LPCAT1: variants seen among roughly 807,000 people sequenced by gnomAD.
The protein encoded by LPCAT1 is lysophosphatidylcholine acyltransferase 1.
Under a neutral mutation model 60.9 loss-of-function variants are expected in LPCAT1, and 23 were observed. The observed-to-expected ratio is 0.38, with a 90% CI of 0.27 to 0.53. LPCAT1 has a LOEUF of 0.53. Ranked by LOEUF, LPCAT1 falls within the 20% of genes least tolerant of loss-of-function variation. The pLI is 0.82. For synonymous variants in LPCAT1, 340 were observed against 301.1 expected, an observed-to-expected ratio of 1.13 and a Z score of -1.34; for missense variants, 622 against 723.6, an observed-to-expected ratio of 0.86 and a Z score of 1.61.
chr5:1,511,533 C>G (rs540106239), intron 1 of LPCAT1, among the ~76,000 whole-genome samples: 2 of 151,816 alleles, frequency 1.3e-5, no homozygotes, highest in African/African-American at 4.8e-5. Flanking sequence ...CACCTGCTCA[C>G]CTCGCTCACC....
chr5:1,504,444 T>C (rs1216639524), intron 1 of LPCAT1, among the ~76,000 whole-genome samples: 1 of 152,168 alleles, frequency 6.6e-6, no homozygotes, highest in African/African-American at 2.4e-5. Context: ...AGGCAGGGCG[T>C]GGTGGCTCAC....
At chr5:1,482,594 G>GGGGTA (rs1313688348) in intron 6 of LPCAT1, among the ~76,000 whole-genome samples, 5 of 47,524 alleles carry the variant, frequency 1.1e-4, no homozygotes, top group African/African-American at 4.1e-4. Context: ...AGGGTGGGGT[G>GGGGTA]GGGTAGGGTG....
At chr5:1,485,461 G>A (rs1735335369) in intron 5 of LPCAT1, among the ~76,000 whole-genome samples, 1 of 152,200 alleles carries the variant, frequency 6.6e-6, no homozygotes, top group Non-Finnish European at 1.5e-5. Context: ...AAGGCAGAGG[G>A]GAGGAGGTAC....
In LPCAT1 at chr5:1,474,609, G is replaced by A; in HGVS notation, c.976C>T (p.Pro326Ser). The change falls in exon 10 of 14, where the codon CCC becomes TCC. Residue 326 changes from proline to serine, a missense_variant. Physicochemically the swap from Pro to Ser is moderately conservative, Grantham distance 74 (BLOSUM62 -1). Around this residue, in one of 3 missense-constraint regions of LPCAT1, gnomAD observed 288 missense variants for 283.6 expected, o/e 1.02. Coordinates refer to ENST00000283415, the MANE Select transcript of LPCAT1 (RefSeq NM_024830.5). ...AATTCTAAAAGGCAAGTGTCAGCGG[G>A]GAGACGGAGCTGTCCTTCCGCCAGG... ...LALAEGQLRL[P>S]ADTCLLEFAR... 3.1e-6 allele frequency: 5 copies of A among 1,614,066 alleles called. No homozygotes were observed. Among genetic ancestry groups the A allele is most frequent in the Non-Finnish European group, 2.5e-6 (3 of 1,180,024 alleles).
chr5:1,464,953 TAACTAC>T (rs1560944155), intron 13 of LPCAT1, among the ~76,000 whole-genome samples: 1 of 143,530 alleles, frequency 7.0e-6, no homozygotes. Context: ...ACACACATGG[TAACTAC>T]ACACATGCAC....
rs1435157664 is a variant in LPCAT1 at position 1,477,441 on chromosome 5, C to T, written c.862G>A (p.Ala288Thr). Reference sequence around the variant, plus strand: ...CGCCGCACGTTGCTGGCATACAGCGCGGGGTTCCTCTTCTCCTCCTCAGAA... The same window carrying T: ...CGCCGCACGTTGCTGGCATACAGCGTGGGGTTCCTCTTCTCCTCCTCAGAA... ...SPSEEEKRNP[A>T]LYASNVRRVM... The change falls in exon 9 of 14, where the codon GCG becomes ACG. Residue 288 changes from alanine (A) to threonine (T), a missense_variant. Ala to Thr is a moderately conservative substitution (Grantham distance 58, BLOSUM62 0). Around this residue, in one of 3 missense-constraint regions of LPCAT1, gnomAD observed 209 missense variants for 325.5 expected, o/e 0.64. Transcript: ENST00000283415. This position sits in a 1 kb window ranked among gnomAD's most constrained non-coding sequence, Gnocchi z 6.0. 1.1e-5 allele frequency: 17 copies of T among 1,614,036 alleles called. No individual in the cohort carries two copies. The Middle Eastern group carries it at 5.0e-4, about 47-fold the overall frequency.
At chr5:1,506,150 G>A (rs554524858) in intron 1 of LPCAT1, among the ~76,000 whole-genome samples, 4 of 152,378 alleles carry the variant, frequency 2.6e-5, no homozygotes, top group Non-Finnish European at 5.9e-5. Context: ...GCCTCCAGCA[G>A]ATGGGGAGGG....
At chr5:1,465,421 G>GCA (rs66975451) in intron 13 of LPCAT1, among the ~76,000 whole-genome samples, 4 of 143,330 alleles carry the variant, frequency 2.8e-5, no homozygotes, top group East Asian at 2.1e-4. Flanking sequence ...CTACACACAT[G>GCA]CACACACACA....
chr5:1,492,443 C>CG (rs1735624261), intron 3 of LPCAT1, among the ~76,000 whole-genome samples: 1 of 152,188 alleles, frequency 6.6e-6, no homozygotes, highest in Non-Finnish European at 1.5e-5. Context: ...GTAGAGGAGT[C>CG]ATCAGCCACG....
intron 9 of LPCAT1, among the ~76,000 whole-genome samples, chr5:1,475,441 C>T (rs1192235625): frequency 6.6e-6 from 1 of 152,200 alleles, no homozygotes; most frequent in East Asian, 1.9e-4. Flanking sequence ...TGGGGCCATC[C>T]CCGGCCTCTC....
chr5:1,519,170 C>T (rs140972578), intron 1 of LPCAT1, among the ~76,000 whole-genome samples: 76 of 152,364 alleles, frequency 5.0e-4, no homozygotes, highest in African/African-American at 1.8e-3. Flanking sequence ...GTCACAATCA[C>T]GGGTTTCTGC....
At chr5:1,503,578 G>A (rs1426447387) in intron 1 of LPCAT1, among the ~76,000 whole-genome samples, 1 of 152,234 alleles carries the variant, frequency 6.6e-6, no homozygotes, top group Non-Finnish European at 1.5e-5. Context: ...GTTGGCCACT[G>A]TCACCAGCTG....
At chr5:1,509,692 T>G in intron 1 of LPCAT1, among the ~76,000 whole-genome samples, 1 of 152,174 alleles carries the variant, frequency 6.6e-6, no homozygotes, top group Non-Finnish European at 1.5e-5. Flanking sequence ...CAAAACACCT[T>G]TATTCATATA....
chr5:1,463,740 G>A lies in LPCAT1; in HGVS notation c.1516C>T (p.Pro506Ser), dbSNP rs146947988. 687 of 1,614,150 alleles carry A rather than the reference G, an allele frequency of 4.3e-4. 3 individuals carry two copies. The highest frequency in any genetic ancestry group is 7.7e-5 in the Non-Finnish European group (91 of 1,180,048). ...THFESCAETS[P>S]APIPNGFCAD... ...CAGAAGCCGTTTGGGATTGGCGCAG[G>A]TGAGGTCTCTGCACAGCTTTCGAAA... The change falls in exon 14 of 14, where the codon CCT becomes TCT. Residue 506 changes from proline to serine, a missense_variant. Around this residue, in one of 3 missense-constraint regions of LPCAT1, gnomAD observed 288 missense variants for 283.6 expected, o/e 1.02. Transcript: ENST00000283415.
intron 5 of LPCAT1, among the ~76,000 whole-genome samples, chr5:1,485,339 A>G (rs1735330845): frequency 6.6e-6 from 1 of 152,090 alleles, no homozygotes. Context: ...CCTGAGGGTC[A>G]GCAGCACCCA....
chr5:1,483,605 G>C lies in LPCAT1; in HGVS notation c.668-119C>G. The C allele has an allele frequency of 2.1e-6, 2 of 942,096 alleles. No individual in the cohort carries two copies. The highest frequency in any genetic ancestry group is 3.3e-6 in the Non-Finnish European group (2 of 599,726). The allele number at this position is 942,096 out of a possible 1,614,324, so 58.4% of individuals were successfully genotyped here. On this transcript the variant is annotated intron_variant, in intron 5 of 13. Transcript: ENST00000283415. The surrounding 1 kb of genome is among the most constrained non-coding windows in gnomAD (Gnocchi z 9.2). ...TTTTCTGTCTAGGCCTTCCTGGTCAGCAAGGGCACTCCATGCCTGGACTAT... is the reference window on the plus strand; with the variant it reads ...TTTTCTGTCTAGGCCTTCCTGGTCACCAAGGGCACTCCATGCCTGGACTAT...
chr5:1,483,380 T>C lies in LPCAT1; in HGVS notation c.726+48A>G, dbSNP rs185665859. 9.2e-4 allele frequency: 1,464 copies of C among 1,596,930 alleles called. 22 individuals carry two copies. In the Admixed American group the frequency reaches 0.021, roughly 23 times the overall value. On this transcript the variant is annotated intron_variant, in intron 6 of 13. Transcript: ENST00000283415. This position sits in a 1 kb window ranked among gnomAD's most constrained non-coding sequence, Gnocchi z 9.2. ...CACAGAGGCAGCTCGCAGTTCCCGT[T>C]TCCCGGAGAATTCCCCTGGAAGCTG...
In LPCAT1 at chr5:1,474,702, A is replaced by AC; in HGVS notation, c.900-18dup. 6.2e-7 allele frequency: 1 copy of AC among 1,606,524 alleles called. No individual in the cohort carries two copies. The highest frequency in any genetic ancestry group is 8.5e-7 in the Non-Finnish European group (1 of 1,175,792). ...CCCAAGGCCCTACAAGGAGGGCAGCACCCCCGTCAGCCCAGCCTCGTGGCA... is the reference window on the plus strand; with the variant it reads ...CCCAAGGCCCTACAAGGAGGGCAGCACCCCCCGTCAGCCCAGCCTCGTGGCA... On this transcript the variant is annotated splice_polypyrimidine_tract_variant and intron_variant, in intron 9 of 13. Transcript: ENST00000283415.
At chr5:1,490,437 G>A (rs890381598) in intron 3 of LPCAT1, among the ~76,000 whole-genome samples, 4 of 152,254 alleles carry the variant, frequency 2.6e-5, no homozygotes, top group Non-Finnish European at 5.9e-5. Flanking sequence ...GAGACGAAGA[G>A]GGGGAGAGAA....
Sources: gnomAD v4.1 joint callset for allele counts (sites outside exome capture counted in the v4.1 genomes callset) on GRCh38, gnomAD v4.1.1 for gene constraint, gnomAD v4.1.1 regional missense constraint, Gnocchi (gnomAD v3.1) non-coding constraint, MANE v1.5 for transcripts, NCBI Gene and HGNC (gene_info 2026-07-23, HGNC 2026-07-21) for gene names.